SLC4A4: variants seen among roughly 807,000 people sequenced by gnomAD.
SLC4A4 encodes the protein electrogenic sodium bicarbonate cotransporter 1.
A neutral mutation model predicts 111.5 loss-of-function variants in SLC4A4; 27 were observed. That is an observed-to-expected ratio of 0.24 (90% CI 0.18 to 0.33). SLC4A4 has a LOEUF of 0.33. Among genes scored for constraint, SLC4A4 ranks in the 10% least tolerant of loss-of-function variants. SLC4A4 has a pLI of 1.00. For missense variants in SLC4A4, 909 were observed against 1,315.5 expected, an observed-to-expected ratio of 0.69 and a Z score of 4.78; for synonymous variants, 443 against 463.4, an observed-to-expected ratio of 0.96 and a Z score of 0.57.
chr4:71,497,276 G>C (rs1467070555), intron 15 of SLC4A4, among the ~76,000 whole-genome samples: 1 of 152,016 alleles, frequency 6.6e-6, no homozygotes, highest in African/African-American at 2.4e-5. Context: ...GCCCAAACTA[G>C]GTAACAAATT....
At chr4:71,517,054 T>A (rs549881059) in intron 16 of SLC4A4, among the ~76,000 whole-genome samples, 1 of 152,242 alleles carries the variant, frequency 6.6e-6, no homozygotes, top group East Asian at 1.9e-4. Flanking sequence ...TTTTGTCAAT[T>A]TCATTATATC....
At chr4:71,555,075 A>G in intron 20 of SLC4A4, 65 bp from the exon 21 acceptor site, 1,585 of 920,070 alleles carry the variant, frequency 1.7e-3, no homozygotes, top group Non-Finnish European at 2.6e-3. Context: ...TATTTAAATG[A>G]TTCCTCTTCA....
intron 1 of SLC4A4, among the ~76,000 whole-genome samples, chr4:71,227,896 G>C (rs1304795065): frequency 6.6e-6 from 1 of 152,172 alleles, no homozygotes; most frequent in Non-Finnish European, 1.5e-5. Flanking sequence ...GAAAATGTTG[G>C]AAGGACAAAG....
At chr4:71,440,811 A>G in intron 8 of SLC4A4, 38 bp downstream of exon 8, 3 of 1,609,764 alleles carry the variant, frequency 1.9e-6, no homozygotes, top group Non-Finnish European at 2.5e-6. Flanking sequence ...CAATGTGCTA[A>G]TAGGGTTATC....
At chr4:71,234,571 G>A (rs191352921) in intron 1 of SLC4A4, among the ~76,000 whole-genome samples, 7 of 152,144 alleles carry the variant, frequency 4.6e-5, no homozygotes, top group South Asian at 2.1e-4. Flanking sequence ...GATTACAGGC[G>A]TGTGCCACCG....
rs1268652503 is a variant in SLC4A4 at position 71,547,735 on chromosome 4, C to T, written c.2694+15C>T. ...CCATCTTGAAGGTAAATATGTGAAA[C>T]ATTCACCTCTTCCTTCTCAGAACAC... On this transcript the variant is annotated intron_variant, in intron 20 of 25. Transcript: ENST00000264485. 3.1e-6 allele frequency: 5 copies of T among 1,590,490 alleles called. No individual in the cohort carries two copies. The highest frequency in any genetic ancestry group is 4.3e-6 in the Non-Finnish European group (5 of 1,159,278).
intron 2 of SLC4A4, among the ~76,000 whole-genome samples, chr4:71,163,647 A>G (rs1019036741): frequency 6.6e-6 from 1 of 152,230 alleles, no homozygotes; most frequent in Admixed American, 6.5e-5. Context: ...TTCTGTTTCA[A>G]TATATTTTTA....
chr4:71,550,092 G>T (rs532108511), intron 20 of SLC4A4, among the ~76,000 whole-genome samples: 50 of 151,980 alleles, frequency 3.3e-4, no homozygotes, highest in Middle Eastern at 6.8e-3. Context: ...ACCCCAAGTA[G>T]TCATTGTAAG....
At chr4:71,509,246 T>C (rs1251413237) in intron 16 of SLC4A4, among the ~76,000 whole-genome samples, 1 of 152,192 alleles carries the variant, frequency 6.6e-6, no homozygotes, top group African/African-American at 2.4e-5. Flanking sequence ...TTGGAAGTTC[T>C]GGCCAGGGCA....
In SLC4A4 at chr4:71,560,236, G is replaced by A; in HGVS notation, c.3081G>A (p.Leu1027=). ...EKKKKKKKGS[L]DSDNDDSDCP... Reference sequence around the variant, plus strand: ...AAAAGAAAAAGAAGAAGGGAAGTCTGGACAGTGACAATGATGATGTAAGGA... The same window carrying A: ...AAAAGAAAAAGAAGAAGGGAAGTCTAGACAGTGACAATGATGATGTAAGGA... Residue 1027 remains leucine (L), a synonymous_variant, in exon 23 of 26, where the codon CTG becomes CTA. Transcript: ENST00000264485. 6.2e-7 allele frequency: 1 copy of A among 1,608,844 alleles called. No individual in the cohort carries two copies. Among genetic ancestry groups the A allele is most frequent in the Non-Finnish European group, 8.5e-7 (1 of 1,176,960 alleles).
intron 2 of SLC4A4, among the ~76,000 whole-genome samples, chr4:71,162,464 C>T (rs979752196): frequency 6.6e-6 from 1 of 152,122 alleles, no homozygotes; most frequent in African/African-American, 2.4e-5. Context: ...CAGACAATTC[C>T]AAGGTTTTTG....
intron 12 of SLC4A4, among the ~76,000 whole-genome samples, chr4:71,457,887 A>G (rs1726434059): frequency 1.3e-5 from 2 of 152,276 alleles, no homozygotes; most frequent in East Asian, 1.9e-4. Context: ...ACCTTTGCAC[A>G]TCCATATACT....
intron 1 of SLC4A4, among the ~76,000 whole-genome samples, chr4:71,226,215 C>T (rs978203537): frequency 3.9e-5 from 6 of 152,154 alleles, no homozygotes; most frequent in African/African-American, 1.2e-4. Flanking sequence ...ACGATTGTAA[C>T]GCACTACAGC....
chr4:71,339,078 T>G (rs919626481), intron 3 of SLC4A4: 33 of 1,569,986 alleles, frequency 2.1e-5, no homozygotes, highest in Admixed American at 5.4e-5. Context: ...TGGTTAGACC[T>G]CAGCTCATCT....
At chr4:71,512,737 G>A (rs747518851) in intron 16 of SLC4A4, among the ~76,000 whole-genome samples, 14 of 151,938 alleles carry the variant, frequency 9.2e-5, no homozygotes, top group African/African-American at 1.4e-4. Context: ...ATTTTCCCTC[G>A]GTTTTCTTCC....
At chr4:71,093,900 C>T (rs936728905) in intron 2 of SLC4A4, among the ~76,000 whole-genome samples, 1 of 152,000 alleles carries the variant, frequency 6.6e-6, no homozygotes, top group Non-Finnish European at 1.5e-5. Flanking sequence ...GGATTGTTGG[C>T]AACTTTAAAT....
chr4:71,143,790 GTTGT>G (rs1394646247), intron 2 of SLC4A4, among the ~76,000 whole-genome samples: 3 of 152,162 alleles, frequency 2.0e-5, no homozygotes. Context: ...TTTTGATGGT[GTTGT>G]TTGTTTTTTT....
chr4:71,125,715 G>A (rs1475812987), intron 2 of SLC4A4, among the ~76,000 whole-genome samples: 2 of 152,146 alleles, frequency 1.3e-5, no homozygotes, highest in Non-Finnish European at 2.9e-5. Flanking sequence ...ATGGTATCAA[G>A]GCATTAAATT....
intron 7 of SLC4A4, among the ~76,000 whole-genome samples, chr4:71,405,404 A>T (rs1211004591): frequency 1.3e-5 from 2 of 152,166 alleles, no homozygotes; most frequent in African/African-American, 2.4e-5. Context: ...TTTTTAAACT[A>T]ACAATACCAT....
Sources: gnomAD v4.1 joint callset for allele counts (sites outside exome capture counted in the v4.1 genomes callset) on GRCh38, gnomAD v4.1.1 for gene constraint, MANE v1.5 for transcripts, NCBI Gene and HGNC (gene_info 2026-07-23, HGNC 2026-07-21) for gene names.